Variants in TJP1 observed in about 807,000 individuals in gnomAD.
The protein encoded by TJP1 is tight junction protein ZO-1.
Under a neutral mutation model 194.2 loss-of-function variants are expected in TJP1, and 43 were observed. The observed-to-expected ratio is 0.22, with a 90% confidence interval of 0.17 to 0.29. The LOEUF (loss-of-function observed/expected upper bound fraction) is 0.29. Among genes scored for constraint, TJP1 ranks in the 10% least tolerant of loss-of-function variants. TJP1 has a pLI of 1.00. For synonymous variants in TJP1, 801 were observed against 779.0 expected, an observed-to-expected ratio of 1.03 and a Z score of -0.47; for missense variants, 1,971 against 2,185.7, an observed-to-expected ratio of 0.90 and a Z score of 1.96.
chr15:29,947,439 T>A (rs1330392454), intron 2 of TJP1, among the ~76,000 whole-genome samples: 1 of 152,180 alleles, frequency 6.6e-6, no homozygotes, highest in Admixed American at 6.5e-5. Flanking sequence ...TATTTATGAG[T>A]TGGCTTCTAC....
chr15:29,800,821 A>G (rs991955315), intron 1 of TJP1, 119 bp from the exon 2 acceptor site: 10 of 950,456 alleles, frequency 1.1e-5, no homozygotes, highest in Admixed American at 4.8e-5. Context: ...TTAATATTAG[A>G]GACACTCTGA....
At chr15:29,850,186 T>A (rs1314860941) in intron 2 of TJP1, among the ~76,000 whole-genome samples, 1 of 152,192 alleles carries the variant, frequency 6.6e-6, no homozygotes, top group Non-Finnish European at 1.5e-5. Flanking sequence ...CACTTAAGTA[T>A]AGGTGCCTGT....
At chr15:29,945,776 A>AACAC (rs371167321) in intron 2 of TJP1, among the ~76,000 whole-genome samples, 2,656 of 150,110 alleles carry the variant, frequency 0.018, 68 homozygotes, top group African/African-American at 0.055. Flanking sequence ...AAGGCTATTA[A>AACAC]ACACACACAC....
intron 13 of TJP1, 90 bp downstream of exon 13, chr15:29,733,004 C>A (rs2043769059): frequency 7.0e-7 from 1 of 1,428,088 alleles, no homozygotes; most frequent in Non-Finnish European, 9.6e-7. Flanking sequence ...AAAAAGAATT[C>A]TTTACATTAC....
intron 18 of TJP1, among the ~76,000 whole-genome samples, chr15:29,724,444 T>C (rs777086241): frequency 2.0e-4 from 30 of 152,346 alleles, no homozygotes; most frequent in East Asian, 1.9e-3. Context: ...CAAGGAAATA[T>C]TGAAAGTCTG....
upstream of TJP1, among the ~76,000 whole-genome samples, chr15:29,826,267 C>A (rs2050672950): frequency 6.6e-6 from 1 of 151,994 alleles, no homozygotes; most frequent in African/African-American, 2.4e-5. Context: ...CTGACTGGGG[C>A]TAAGGTGGAG....
chr15:29,779,905 T>C (rs1340474201), intron 2 of TJP1, among the ~76,000 whole-genome samples: 1 of 151,290 alleles, frequency 6.6e-6, no homozygotes, highest in Non-Finnish European at 1.5e-5. Flanking sequence ...CAACCAGCTA[T>C]GGAGACTTCC....
At chr15:29,853,584 G>A (rs905763629) in intron 2 of TJP1, among the ~76,000 whole-genome samples, 1 of 152,186 alleles carries the variant, frequency 6.6e-6, no homozygotes, top group Admixed American at 6.5e-5. Context: ...GATGTGAACA[G>A]AGATACACAC....
chr15:29,726,726 C>T (rs1490201114), intron 17 of TJP1, 55 bp downstream of exon 17: 3 of 1,547,148 alleles, frequency 1.9e-6, no homozygotes, highest in Non-Finnish European at 2.7e-6. Flanking sequence ...TTTTGGCCTA[C>T]TTAATGTTGC....
chr15:29,794,381 C>T (rs2048278854), intron 2 of TJP1, among the ~76,000 whole-genome samples: 1 of 152,058 alleles, frequency 6.6e-6, no homozygotes, highest in Non-Finnish European at 1.5e-5. Context: ...TTCTGGGCTG[C>T]CCTCTCATGG....
chr15:29,833,403 T>A (rs946619304), intron 2 of TJP1, among the ~76,000 whole-genome samples: 1 of 152,184 alleles, frequency 6.6e-6, no homozygotes, highest in African/African-American at 2.4e-5. Context: ...GGAAAATTTT[T>A]TGTTTTCTTT....
chr15:29,704,166 C>G lies in TJP1; in HGVS notation c.5208G>C (p.Ser1736=). The change falls in exon 27 of 28, where the codon TCG becomes TCC. Residue 1736 remains serine (S), a synonymous_variant. Transcript: ENST00000614355. Reference sequence around the variant, plus strand: ...GACAGAGTGAAGACAGCATACCCGACGAGGAGTCGGATGATTTTAGAGCAA... The same window carrying G: ...GACAGAGTGAAGACAGCATACCCGAGGAGGAGTCGGATGATTTTAGAGCAA... ...WSFALKSSDS[S]SGDPKTWQNK... is the part of the protein sequence containing the mutation. 1 of 1,556,594 alleles carries G rather than the reference C, an allele frequency of 6.4e-7. No homozygotes were observed. The highest frequency in any genetic ancestry group is 8.7e-7 in the Non-Finnish European group (1 of 1,149,172).
At chr15:29,815,398 G>T (rs754105894) in intron 1 of TJP1, among the ~76,000 whole-genome samples, 7 of 152,220 alleles carry the variant, frequency 4.6e-5, no homozygotes, top group African/African-American at 1.2e-4. Context: ...ATTCAGAGGT[G>T]CAAAGCAAGT....
rs186473034 is a variant in TJP1, at chr15:29,915,754, T to C, written c.306+40478A>G. Among the ~76,000 whole-genome samples, 204 of 151,902 alleles carry C rather than the reference T, an allele frequency of 1.3e-3. 2 individuals carry two copies. Among genetic ancestry groups the C allele is most frequent in the African/African-American group, 4.7e-3 (194 of 41,542 alleles). On this transcript the variant is annotated intron_variant, in intron 2 of 28. Coordinates refer to the TJP1 transcript ENST00000356107. The stretch of plus-strand genomic sequence containing the variant: ...GCAAAATTTTAGATATTGAAGATCA[T>C]TTCAAAAAACTTTTAAAATTAAAAT...
intron 2 of TJP1, among the ~76,000 whole-genome samples, chr15:29,930,910 A>G (rs1457756553): frequency 6.6e-6 from 1 of 152,202 alleles, no homozygotes; most frequent in Non-Finnish European, 1.5e-5. Context: ...ATGTCTAGAC[A>G]TGAGCATAAA....
intron 1 of TJP1, among the ~76,000 whole-genome samples, chr15:29,808,422 A>T (rs1286230898): frequency 6.6e-6 from 1 of 152,208 alleles, no homozygotes. Context: ...TTGTGGGCAA[A>T]TAGGCATATT....
intron 2 of TJP1, among the ~76,000 whole-genome samples, chr15:29,922,142 C>T (rs892091715): frequency 1.3e-5 from 2 of 152,070 alleles, no homozygotes; most frequent in African/African-American, 2.4e-5. Context: ...CCACCGCACC[C>T]GGACTTTTTC....
chr15:29,893,337 A>G (rs959180895), intron 2 of TJP1, among the ~76,000 whole-genome samples: 1 of 152,230 alleles, frequency 6.6e-6, no homozygotes, highest in Non-Finnish European at 1.5e-5. Flanking sequence ...TGTTGAAATG[A>G]CAAAAAAGGA....
At chr15:29,903,686 C>T (rs541026455) in intron 2 of TJP1, among the ~76,000 whole-genome samples, 8 of 152,298 alleles carry the variant, frequency 5.3e-5, no homozygotes, top group East Asian at 1.9e-4. Context: ...CCTTGTGATC[C>T]GCCCGCCTCG....
Sources: gnomAD v4.1 joint callset for allele counts (sites outside exome capture counted in the v4.1 genomes callset) on GRCh38, gnomAD v4.1.1 for gene constraint, MANE v1.5 for transcripts, NCBI Gene and HGNC (gene_info 2026-07-23, HGNC 2026-07-21) for gene names.